PTCD2: variants seen among roughly 807,000 people sequenced by gnomAD.
PTCD2 encodes pentatricopeptide repeat-containing protein 2, mitochondrial.
PTCD2 carries 31 observed loss-of-function variants against 42.6 expected under a neutral mutation model. That is an observed-to-expected ratio of 0.73 (90% CI 0.55 to 0.98). PTCD2 has a LOEUF of 0.98. PTCD2 is among the 50% of genes least tolerant of loss of function. The probability of loss-of-function intolerance (pLI) is 0.00; values close to 1 mark genes in which losing one functional copy is unlikely to be tolerated. For synonymous variants in PTCD2, 183 were observed against 170.9 expected (o/e 1.07, Z -0.55); for missense variants, 476 against 454.8 (o/e 1.05, Z -0.42).
chr5:72,348,328 A>G lies in PTCD2; in HGVS notation c.829-4313A>G, dbSNP rs559702145. Among the ~76,000 whole-genome samples the G allele has an allele frequency of 4.6e-5, 7 of 152,366 alleles. No individual in the cohort carries two copies. The South Asian group carries it at 1.5e-3, about 32-fold the overall frequency. The stretch of plus-strand genomic sequence containing the variant: ...TAGGCTGAGTAGTGTCTGTTTAGTC[A>G]GTATTCACAGAAATCAATGAAACTT... On this transcript the variant is annotated intron_variant, in intron 8 of 9. Coordinates refer to ENST00000380639, the MANE Select transcript of PTCD2 (RefSeq NM_024754.5).
intron 8 of PTCD2, among the ~76,000 whole-genome samples, chr5:72,348,251 T>C (rs1752457483): frequency 6.6e-6 from 1 of 152,230 alleles, no homozygotes; most frequent in Admixed American, 6.5e-5. Context: ...ACTCATCTAC[T>C]TGAAATCCTT....
At chr5:72,355,084 T>TA (rs1035252092) in intron 9 of PTCD2, among the ~76,000 whole-genome samples, 1 of 152,130 alleles carries the variant, frequency 6.6e-6, no homozygotes, top group African/African-American at 2.4e-5. Flanking sequence ...CTTAAGTGGT[T>TA]ATGTTGATTT....
intron 3 of PTCD2, among the ~76,000 whole-genome samples, chr5:72,328,586 T>C (rs1751265221): frequency 6.6e-6 from 1 of 151,816 alleles, no homozygotes; most frequent in Admixed American, 6.6e-5. Flanking sequence ...GGCCTGTTGC[T>C]CCCATCTAAG....
intron 8 of PTCD2, among the ~76,000 whole-genome samples, chr5:72,347,413 C>T (rs1381836552): frequency 3.3e-5 from 5 of 152,288 alleles, no homozygotes; most frequent in South Asian, 4.1e-4. Context: ...GGGCTGGGTG[C>T]GGTGGCTCAT....
intron 7 of PTCD2, among the ~76,000 whole-genome samples, chr5:72,342,398 G>C (rs1003846731): frequency 6.6e-6 from 1 of 152,198 alleles, no homozygotes; most frequent in African/African-American, 2.4e-5. Flanking sequence ...GCCACCACAG[G>C]ATCCACGGAA....
chr5:72,329,104 G>A, intron 3 of PTCD2, among the ~76,000 whole-genome samples: 1 of 152,244 alleles, frequency 6.6e-6, no homozygotes, highest in African/African-American at 2.4e-5. Flanking sequence ...TATAAGAGTA[G>A]TAAAATGAGA....
In PTCD2 at chr5:72,364,758, G is replaced by C. The variant is rs1053078404; in HGVS notation, c.*6331G>C. The C allele has an allele frequency of 1.3e-5, 2 of 152,174 alleles. No homozygotes were observed. Among genetic ancestry groups the C allele is most frequent in the East Asian group, 3.9e-4 (2 of 5,184 alleles). 9.4% of individuals were successfully genotyped at this position (152,174 alleles called of 1,614,324 possible). A position where few individuals can be genotyped will look rare whatever the true frequency, so the allele number is the denominator to read the frequency against. ...CACAGACAAGTAGAATGACTTGCCT[G>C]TGCGGGGGTCCTGGGTTGGCCAGTG... On this transcript the variant is annotated 3_prime_UTR_variant, in exon 10 of 10. Transcript: ENST00000380639.
chr5:72,331,406 ATG>A, intron 4 of PTCD2, 31 bp downstream of exon 4: 1 of 1,436,590 alleles, frequency 7.0e-7, no homozygotes, highest in Non-Finnish European at 9.8e-7. Flanking sequence ...TTCTCTGCCA[ATG>A]TGTGTGTTTT....
At chr5:72,341,313 G>A (rs1752047584) in intron 7 of PTCD2, among the ~76,000 whole-genome samples, 3 of 151,986 alleles carry the variant, frequency 2.0e-5, no homozygotes, top group Non-Finnish European at 4.4e-5. Flanking sequence ...CAAAGTGCCG[G>A]GATTACAGGC....
At chr5:72,348,726 A>T (rs1752481753) in intron 8 of PTCD2, among the ~76,000 whole-genome samples, 1 of 152,244 alleles carries the variant, frequency 6.6e-6, no homozygotes, top group African/African-American at 2.4e-5. Context: ...ATCGTATTTG[A>T]ATTCTAATCA....
At chr5:72,344,984 T>G (rs1429574078) in intron 8 of PTCD2, among the ~76,000 whole-genome samples, 4 of 152,190 alleles carry the variant, frequency 2.6e-5, no homozygotes, top group African/African-American at 9.7e-5. Flanking sequence ...GCATTGTCAT[T>G]GATAACATCT....
intron 8 of PTCD2, among the ~76,000 whole-genome samples, chr5:72,350,833 A>G (rs1752586619): frequency 6.6e-6 from 1 of 152,238 alleles, no homozygotes; most frequent in African/African-American, 2.4e-5. Context: ...CAGGAAAACT[A>G]TCTTTGTAAG....
rs1753110555 is a variant in PTCD2, at chr5:72,362,148, A to G, written c.*3721A>G. The G allele has an allele frequency of 6.6e-6, 1 of 152,200 alleles. No homozygotes were observed. The highest frequency in any genetic ancestry group is 2.1e-4 in the South Asian group (1 of 4,828). 9.4% of individuals were successfully genotyped at this position (152,200 alleles called of 1,614,324 possible). ...TGGACAGCTTTTCGTCTCTAATACCATACACTCAGTGCAGGGTCTGAATGT... is the reference window on the plus strand; with the variant it reads ...TGGACAGCTTTTCGTCTCTAATACCGTACACTCAGTGCAGGGTCTGAATGT... On this transcript the variant is annotated 3_prime_UTR_variant, in exon 10 of 10. Coordinates refer to ENST00000380639, the MANE Select transcript of PTCD2 (RefSeq NM_024754.5).
At chr5:72,334,525 G>A (rs777643215) in intron 4 of PTCD2, among the ~76,000 whole-genome samples, 1 of 151,430 alleles carries the variant, frequency 6.6e-6, no homozygotes, top group South Asian at 2.1e-4. Flanking sequence ...ACAGCCAAGA[G>A]AGTGGACAGC....
intron 3 of PTCD2, among the ~76,000 whole-genome samples, chr5:72,328,218 G>A (rs1392437576): frequency 6.6e-6 from 1 of 152,166 alleles, no homozygotes; most frequent in Non-Finnish European, 1.5e-5. Context: ...GCAGTTCTTG[G>A]TTGGTGTCAG....
rs76304352 is a variant in PTCD2 at position 72,323,870 on chromosome 5, TC to T, written c.220+1609del. Among the ~76,000 whole-genome samples the T allele has an allele frequency of 4.6e-5, 7 of 152,102 alleles. No individual in the cohort carries two copies. The East Asian group carries it at 1.3e-3, about 29-fold the overall frequency. Reference sequence around the variant, plus strand: ...CACTGTGTTGAGGCTGGTCTCGAACTCCCAGGCTCAAGCTAGTATCCCGCCT... The same window carrying T: ...CACTGTGTTGAGGCTGGTCTCGAACTCCAGGCTCAAGCTAGTATCCCGCCT... On this transcript the variant is annotated intron_variant, in intron 2 of 9. Transcript: ENST00000380639.
At chr5:72,356,357 A>T (rs977329016) in intron 9 of PTCD2, among the ~76,000 whole-genome samples, 1 of 152,226 alleles carries the variant, frequency 6.6e-6, no homozygotes, top group Non-Finnish European at 1.5e-5. Flanking sequence ...CCTCTAGTTC[A>T]GTGTCTTCCC....
chr5:72,325,825 G>A (rs1259812643), intron 2 of PTCD2, among the ~76,000 whole-genome samples: 1 of 152,186 alleles, frequency 6.6e-6, no homozygotes, highest in African/African-American at 2.4e-5. Context: ...GTTGGTGCCT[G>A]CTTTGCTTTT....
At chr5:72,332,352 A>G (rs1751482941) in intron 4 of PTCD2, among the ~76,000 whole-genome samples, 1 of 152,194 alleles carries the variant, frequency 6.6e-6, no homozygotes, top group African/African-American at 2.4e-5. Flanking sequence ...AACAGTACAG[A>G]TAGTTTGATC....
Sources: gnomAD v4.1 joint callset for allele counts (sites outside exome capture counted in the v4.1 genomes callset) on GRCh38, gnomAD v4.1.1 for gene constraint, MANE v1.5 for transcripts, NCBI Gene and HGNC (gene_info 2026-07-23, HGNC 2026-07-21) for gene names.